TOP6BL: variants seen among roughly 807,000 people sequenced by gnomAD.
TOP6BL encodes the protein type 2 DNA topoisomerase 6 subunit B-like.
At chr11:66,763,770 A>G in the TOP6BL span, among the ~76,000 whole-genome samples, 1 of 152,046 alleles carries the variant, frequency 6.6e-6, no homozygotes, top group Non-Finnish European at 1.5e-5. Flanking sequence ...ATGCCCAGTT[A>G]CTTTTTAAAT....
the TOP6BL span, among the ~76,000 whole-genome samples, chr11:66,806,448 G>A: frequency 1.3e-5 from 2 of 152,152 alleles, no homozygotes; most frequent in East Asian, 3.8e-4. Context: ...AGCTATAGGA[G>A]TAAATGAAGT....
chr11:66,764,260 T>G, the TOP6BL span, among the ~76,000 whole-genome samples: 1 of 152,238 alleles, frequency 6.6e-6, no homozygotes, highest in South Asian at 2.1e-4. Context: ...AAGTTTTTCC[T>G]TGTTCATTTT....
At chr11:66,828,437 G>GT in the TOP6BL span, 1 of 1,141,998 alleles carries the variant, frequency 8.8e-7, no homozygotes, top group Admixed American at 2.0e-5. Context: ...TTGAGGGTGG[G>GT]TAGGTACAAG....
chr11:66,831,699 A>C, the TOP6BL span, among the ~76,000 whole-genome samples: 1 of 152,114 alleles, frequency 6.6e-6, no homozygotes, highest in South Asian at 2.1e-4. Flanking sequence ...GTGTACTTAA[A>C]AATTGTACAT....
At chr11:66,797,210 G>T in the TOP6BL span, among the ~76,000 whole-genome samples, 2 of 151,718 alleles carry the variant, frequency 1.3e-5, no homozygotes, top group Non-Finnish European at 2.9e-5. Context: ...GTGTTGGCCA[G>T]GCTGGTCTCA....
At chr11:66,763,145 G>A in the TOP6BL span, among the ~76,000 whole-genome samples, 2 of 152,206 alleles carry the variant, frequency 1.3e-5, no homozygotes. Context: ...AGGCTGCAGT[G>A]AGCTATGATC....
the TOP6BL span, among the ~76,000 whole-genome samples, chr11:66,782,162 G>A: frequency 6.6e-6 from 1 of 152,122 alleles, no homozygotes; most frequent in Non-Finnish European, 1.5e-5. Context: ...TTTGGGGTGG[G>A]TCTAGAGCAC....
At chr11:66,779,259 A>G in the TOP6BL span, among the ~76,000 whole-genome samples, 13 of 152,256 alleles carry the variant, frequency 8.5e-5, no homozygotes, top group Admixed American at 7.2e-4. Context: ...TTTGCAACCT[A>G]CTCATCTGAC....
chr11:66,760,271 C>T, the TOP6BL span, among the ~76,000 whole-genome samples: 1 of 148,454 alleles, frequency 6.7e-6, no homozygotes, highest in African/African-American at 2.5e-5. Context: ...TGGTGAATCC[C>T]CATCTCTACT....
At chr11:66,827,470 G>A in the TOP6BL span, among the ~76,000 whole-genome samples, 3 of 151,912 alleles carry the variant, frequency 2.0e-5, no homozygotes, top group Non-Finnish European at 4.4e-5. Context: ...GTAGAAAGCT[G>A]TTACCTATTT....
the TOP6BL span, among the ~76,000 whole-genome samples, chr11:66,768,963 G>C: frequency 6.6e-6 from 1 of 152,176 alleles, no homozygotes; most frequent in Admixed American, 6.6e-5. Context: ...AACCTGCCTT[G>C]TACCTGGCTG....
the TOP6BL span, among the ~76,000 whole-genome samples, chr11:66,782,552 T>G: frequency 6.6e-6 from 1 of 152,162 alleles, no homozygotes; most frequent in Non-Finnish European, 1.5e-5. Flanking sequence ...ACCACTGTCC[T>G]CTGCTTGGGT....
At chr11:66,766,490 G>A in the TOP6BL span, among the ~76,000 whole-genome samples, 1 of 151,728 alleles carries the variant, frequency 6.6e-6, no homozygotes, top group South Asian at 2.1e-4. Context: ...AACTTTTATT[G>A]TAACATCTAC....
chr11:66,806,431 T>C, the TOP6BL span, among the ~76,000 whole-genome samples: 3 of 152,144 alleles, frequency 2.0e-5, no homozygotes, highest in African/African-American at 7.2e-5. Context: ...TATTGTCATA[T>C]GATTGAAGCT....
the TOP6BL span, among the ~76,000 whole-genome samples, chr11:66,826,874 G>C: frequency 6.6e-6 from 1 of 150,730 alleles, no homozygotes; most frequent in Non-Finnish European, 1.5e-5. Context: ...GTAGAGACAG[G>C]GTTTCTCCAT....
At chr11:66,797,022 CAG>C in the TOP6BL span, among the ~76,000 whole-genome samples, 2 of 145,902 alleles carry the variant, frequency 1.4e-5, no homozygotes, top group African/African-American at 5.1e-5. Context: ...TTTTTTGAGA[CAG>C]AGTCTTACTC....
chr11:66,801,700 G>A, the TOP6BL span, among the ~76,000 whole-genome samples: 1 of 152,276 alleles, frequency 6.6e-6, no homozygotes, highest in South Asian at 2.1e-4. Flanking sequence ...GCTGGGCATG[G>A]TAGCACATGC....
the TOP6BL span, among the ~76,000 whole-genome samples, chr11:66,837,445 A>ATTTT: frequency 8.9e-6 from 1 of 111,870 alleles, no homozygotes; most frequent in African/African-American, 3.4e-5. Context: ...CAAATTTTTA[A>ATTTT]TTTTTTTTTT....
chr11:66,756,178 A>T, the TOP6BL span, among the ~76,000 whole-genome samples: 3 of 152,202 alleles, frequency 2.0e-5, no homozygotes, highest in African/African-American at 4.8e-5. Context: ...TATTTATATG[A>T]GTTATAAGAA....
Sources: allele counts gnomAD v4.1 joint callset (sites outside exome capture counted in the v4.1 genomes callset), GRCh38; gene constraint gnomAD v4.1.1; transcripts MANE v1.5; gene names NCBI Gene and HGNC (gene_info 2026-07-23, HGNC 2026-07-21).